SMOC2: variants seen among roughly 807,000 people sequenced by gnomAD.
SMOC2 encodes the protein SPARC related modular calcium binding 2, also known as SPARC-related modular calcium-binding protein 2.
In SMOC2, 39 loss-of-function variants were observed where a neutral mutation model predicts 61.4. The observed-to-expected ratio is 0.64, with a 90% CI of 0.49 to 0.83. The LOEUF (loss-of-function observed/expected upper bound fraction) is 0.83, where lower values mean the gene tolerates loss of function less well. SMOC2 is among the 40% of genes least tolerant of loss of function. The pLI, the probability that SMOC2 is intolerant of heterozygous loss-of-function variation, is 0.00. For synonymous variants in SMOC2, 247 were observed against 239.9 expected (o/e 1.03, Z -0.27); for missense variants, 556 against 592.9 (o/e 0.94, Z 0.65).
intron 1 of SMOC2, among the ~76,000 whole-genome samples, chr6:168,498,031 G>A (rs1410255442): frequency 1.3e-5 from 2 of 152,112 alleles, no homozygotes; most frequent in African/African-American, 4.8e-5. Flanking sequence ...CAGGGGAGCC[G>A]TTTCTCTTCA....
chr6:168,519,068 AGTGT>A (rs1395723497), intron 2 of SMOC2, among the ~76,000 whole-genome samples: 10 of 102,928 alleles, frequency 9.7e-5, no homozygotes, highest in African/African-American at 3.8e-4. Context: ...TATGTGTGTG[AGTGT>A]ATGTATGCGT....
intron 8 of SMOC2, among the ~76,000 whole-genome samples, chr6:168,605,666 C>T (rs918626601): frequency 7.2e-5 from 11 of 152,128 alleles, no homozygotes; most frequent in Non-Finnish European, 1.5e-4. Flanking sequence ...TGGCTGGCTT[C>T]CTGATTGCTT....
chr6:168,555,506 C>G (rs1389134799), intron 7 of SMOC2, among the ~76,000 whole-genome samples: 1 of 152,154 alleles, frequency 6.6e-6, no homozygotes, highest in Admixed American at 6.5e-5. Context: ...CTCAGCCAGC[C>G]CAGCGAGCTC....
intron 11 of SMOC2, 120 bp downstream of exon 11, chr6:168,653,348 A>C: frequency 3.6e-5 from 41 of 1,125,790 alleles, no homozygotes; most frequent in East Asian, 4.9e-5. Context: ...AAAATCAAAT[A>C]TGCTGTTTAA....
chr6:168,667,396 C>CGTG lies in SMOC2; in HGVS notation c.*962_*964dup, dbSNP rs1336175895. On this transcript the variant is annotated 3_prime_UTR_variant, in exon 13 of 13. Transcript: ENST00000356284. ...TCCTTACTGAAGGTACAGCCGGATA[C>CGTG]GTGGTGCCCCCGGGGCTGGTGTTGG... The CGTG allele has an allele frequency of 6.6e-6, 1 of 152,188 alleles. No homozygotes were observed. Among genetic ancestry groups the CGTG allele is most frequent in the African/African-American group, 2.4e-5 (1 of 41,430 alleles). 9.4% of individuals were successfully genotyped at this position (152,188 alleles called of 1,614,324 possible). A position where few individuals can be genotyped will look rare whatever the true frequency, so the allele number is the denominator to read the frequency against.
rs1281504859 is a variant in SMOC2, at chr6:168,535,128, G to A, written c.463+7401G>A. ...TGGGACTACAGGCACCCGCCACCACGCCCAGCTAATGTTTTGTATTTTTAG... is the reference window on the plus strand; with the variant it reads ...TGGGACTACAGGCACCCGCCACCACACCCAGCTAATGTTTTGTATTTTTAG... On this transcript the variant is annotated intron_variant, in intron 4 of 12. Coordinates refer to ENST00000356284, the MANE Select transcript of SMOC2 (RefSeq NM_001166412.2). The surrounding 1 kb of genome is among the most constrained non-coding windows in gnomAD (Gnocchi z 4.6). 3.3e-5 allele frequency among the ~76,000 whole-genome samples: 5 copies of A among 151,728 alleles called. No homozygotes were observed. Among genetic ancestry groups the A allele is most frequent in the East Asian group, 1.9e-4 (1 of 5,154 alleles).
At chr6:168,567,786 T>G (rs1167974990) in intron 7 of SMOC2, among the ~76,000 whole-genome samples, 5 of 152,114 alleles carry the variant, frequency 3.3e-5, no homozygotes. Context: ...GTGTCTCACA[T>G]TAGAATTTAG....
rs949372704 is a variant in SMOC2, at chr6:168,629,362, G to A, written c.907+21123G>A. The stretch of plus-strand genomic sequence containing the variant: ...CGGTCCCCCAGAAACCCCATTCATC[G>A]ACCTCTTCCAACAGGCCTGCTGCTC... On this transcript the variant is annotated intron_variant, in intron 9 of 12. Transcript: ENST00000356284. 5.3e-5 allele frequency among the ~76,000 whole-genome samples: 8 copies of A among 152,304 alleles called. No homozygotes were observed. In the East Asian group the frequency reaches 7.8e-4, roughly 15 times the overall value.
intron 1 of SMOC2, among the ~76,000 whole-genome samples, chr6:168,463,545 TG>T (rs1781760109): frequency 6.6e-6 from 1 of 152,134 alleles, no homozygotes; most frequent in Admixed American, 6.5e-5. Context: ...TGTGAAGATG[TG>T]GGGAGTGATG....
In SMOC2 at chr6:168,475,483, G is replaced by T. The variant is rs1044458169; in HGVS notation, c.84+34029G>T. Among the ~76,000 whole-genome samples, 4 of 152,112 alleles carry T rather than the reference G, an allele frequency of 2.6e-5. No homozygotes were observed. The highest frequency in any genetic ancestry group is 9.7e-5 in the African/African-American group (4 of 41,422). On this transcript the variant is annotated intron_variant, in intron 1 of 12. Transcript: ENST00000356284. This position sits in a 1 kb window ranked among gnomAD's most constrained non-coding sequence, Gnocchi z 4.6. ...CTGAGGGAAGCATGGTCTCATGCGG[G>T]CTCTGAGCAAGACGGGTGAGATGTT... is the stretch of plus-strand genomic sequence containing the variant.
chr6:168,499,944 AAGTGTTTAGAAC>A (rs1407970613), intron 1 of SMOC2, among the ~76,000 whole-genome samples: 1 of 152,220 alleles, frequency 6.6e-6, no homozygotes, highest in Non-Finnish European at 1.5e-5. Flanking sequence ...TAATGCAGTA[AAGTGTTTAGAAC>A]AATGCCTGGC....
At chr6:168,517,418 G>A (rs866953337) in intron 2 of SMOC2, among the ~76,000 whole-genome samples, 2 of 152,230 alleles carry the variant, frequency 1.3e-5, no homozygotes, top group African/African-American at 4.8e-5. Context: ...TCTCCGGGAG[G>A]AAAGCCAGGC....
chr6:168,526,358 G>C lies in SMOC2; in HGVS notation c.269G>C (p.Cys90Ser). 5.0e-6 allele frequency: 8 copies of C among 1,614,186 alleles called. No individual in the cohort carries two copies. Among genetic ancestry groups the C allele is most frequent in the Non-Finnish European group, 6.8e-6 (8 of 1,180,016 alleles). ...YRGNCKDVSR[C>S]VAERKYTQEQ... ...TTCTTCCCTACAGACGTGTCCAGGTGTGTGGCCGAAAGGAAGTATACCCAG... is the reference window on the plus strand; with the variant it reads ...TTCTTCCCTACAGACGTGTCCAGGTCTGTGGCCGAAAGGAAGTATACCCAG... Residue 90 changes from cysteine (C) to serine (S), a missense_variant, in exon 3 of 13, where the codon TGT becomes TCT. By Grantham distance (112) the Cys-to-Ser change is moderately radical. Transcript: ENST00000356284.
In SMOC2 at chr6:168,652,966, C is replaced by T. The variant is rs768053156; in HGVS notation, c.1023C>T (p.Pro341=). Residue 341 remains proline (P), a synonymous_variant, in exon 11 of 13, where the codon CCC becomes CCT. Coordinates refer to ENST00000356284, the MANE Select transcript of SMOC2 (RefSeq NM_001166412.2). ...PSSSSGRLSE[P]DPSHTLEERV... is the part of the protein sequence containing the mutation. ...GTGTTCCTTCCAGGCTCTCAGAACC[C>T]GACCCCAGCCATACCCTAGAGGAGC... 1.1e-5 allele frequency: 18 copies of T among 1,613,214 alleles called. No individual in the cohort carries two copies. The highest frequency in any genetic ancestry group is 1.7e-5 in the Admixed American group (1 of 59,900).
chr6:168,617,557 C>T (rs533343969), intron 9 of SMOC2, among the ~76,000 whole-genome samples: 104 of 152,296 alleles, frequency 6.8e-4, no homozygotes, highest in African/African-American at 2.3e-3. Flanking sequence ...ACTCTTGTCC[C>T]GCACTCACAT....
At chr6:168,562,659 C>G (rs372388292) in intron 7 of SMOC2, among the ~76,000 whole-genome samples, 14 of 152,176 alleles carry the variant, frequency 9.2e-5, no homozygotes, top group South Asian at 2.1e-4. Flanking sequence ...TCAGAGGGTG[C>G]GTTTCTGATT....
At chr6:168,655,488 A>G (rs569593443) in intron 11 of SMOC2, 1 of 452,616 alleles carries the variant, frequency 2.2e-6, no homozygotes, top group South Asian at 1.6e-5. Context: ...CAGAGACAGC[A>G]CTGTGAGATG....
chr6:168,614,318 G>A (rs1252719461), intron 9 of SMOC2, among the ~76,000 whole-genome samples: 9 of 71,482 alleles, frequency 1.3e-4, no homozygotes, highest in African/African-American at 5.1e-4. Context: ...GCCAGCACAG[G>A]GCCTCTTCAT....
intron 2 of SMOC2, among the ~76,000 whole-genome samples, chr6:168,518,427 G>A (rs563021264): frequency 6.7e-6 from 1 of 148,208 alleles, no homozygotes; most frequent in African/African-American, 2.6e-5. Context: ...GTGCATGAGT[G>A]TGCATGTGTG....
Sources: gnomAD v4.1 joint callset for allele counts (sites outside exome capture counted in the v4.1 genomes callset) on GRCh38, gnomAD v4.1.1 for gene constraint, Gnocchi (gnomAD v3.1) non-coding constraint, MANE v1.5 for transcripts, NCBI Gene and HGNC (gene_info 2026-07-23, HGNC 2026-07-21) for gene names.